NCKAP5: variants seen among roughly 807,000 people sequenced by gnomAD.
NCKAP5 encodes the protein NCK associated protein 5.
Under a neutral mutation model 167.0 loss-of-function variants are expected in NCKAP5, and 92 were observed. The observed-to-expected ratio is 0.55, with a 90% CI of 0.47 to 0.66. The LOEUF (loss-of-function observed/expected upper bound fraction) is 0.66, where lower values mean the gene tolerates loss of function less well. Ranked by LOEUF, NCKAP5 falls within the 30% of genes least tolerant of loss-of-function variation. NCKAP5 has a pLI of 0.00. For synonymous variants in NCKAP5, 891 were observed against 877.4 expected (o/e 1.02, Z -0.27); for missense variants, 2,378 against 2,315.0 (o/e 1.03, Z -0.56).
intron 6 of NCKAP5, among the ~76,000 whole-genome samples, chr2:133,011,583 A>G (rs1559048396): frequency 6.6e-6 from 1 of 152,252 alleles, no homozygotes. Context: ...TGATTAGTGA[A>G]GTTGAGTAAA....
intron 3 of NCKAP5, among the ~76,000 whole-genome samples, chr2:133,316,166 T>C (rs1408165317): frequency 2.6e-5 from 4 of 152,162 alleles, no homozygotes; most frequent in African/African-American, 7.2e-5. Flanking sequence ...TCCGATGACT[T>C]AACACAACAA....
chr2:132,827,260 A>G (rs1687193946), intron 11 of NCKAP5, among the ~76,000 whole-genome samples: 1 of 152,192 alleles, frequency 6.6e-6, no homozygotes, highest in Non-Finnish European at 1.5e-5. Flanking sequence ...GACAAAATAT[A>G]TGTACAACAC....
chr2:133,385,723 G>C (rs1237736002), intron 3 of NCKAP5, among the ~76,000 whole-genome samples: 1 of 151,864 alleles, frequency 6.6e-6, no homozygotes, highest in Non-Finnish European at 1.5e-5. Flanking sequence ...CTCAATTTCA[G>C]AGCCTGTTAT....
At chr2:133,102,897 G>A (rs1423014457) in intron 6 of NCKAP5, among the ~76,000 whole-genome samples, 2 of 150,816 alleles carry the variant, frequency 1.3e-5, no homozygotes, top group African/African-American at 5.0e-5. Context: ...TTCAAGTCCC[G>A]TGAATGCAAG....
chr2:133,540,897 G>A (rs1300335110), intron 2 of NCKAP5, among the ~76,000 whole-genome samples: 1 of 135,174 alleles, frequency 7.4e-6, no homozygotes, highest in Non-Finnish European at 1.5e-5. Context: ...ATTGGCTACT[G>A]CACTCCAGCC....
the NCKAP5 span, among the ~76,000 whole-genome samples, chr2:133,625,855 G>C: frequency 6.9e-6 from 1 of 144,584 alleles, no homozygotes; most frequent in Admixed American, 7.0e-5. Flanking sequence ...CTGGGTGATG[G>C]AGCGAGACTT....
At chr2:133,663,268 G>A in the NCKAP5 span, among the ~76,000 whole-genome samples, 2 of 111,756 alleles carry the variant, frequency 1.8e-5, no homozygotes, top group African/African-American at 8.3e-5. Context: ...GCGAGACTCC[G>A]TCTCAAAAAA....
the NCKAP5 span, among the ~76,000 whole-genome samples, chr2:133,581,154 C>T: frequency 3.3e-3 from 498 of 152,186 alleles, 1 homozygote; most frequent in East Asian, 0.019. Context: ...TATAGAATGA[C>T]GACATCTGTT....
At chr2:132,733,645 A>G (rs568101585) in intron 16 of NCKAP5, among the ~76,000 whole-genome samples, 1 of 152,236 alleles carries the variant, frequency 6.6e-6, no homozygotes, top group Non-Finnish European at 1.5e-5. Context: ...TAGATATCTG[A>G]TAGGTGAACA....
intron 11 of NCKAP5, among the ~76,000 whole-genome samples, chr2:132,847,485 G>A (rs945864422): frequency 1.3e-5 from 2 of 152,102 alleles, no homozygotes; most frequent in African/African-American, 2.4e-5. Context: ...CCCTTGTTCT[G>A]CCTTTTCTAT....
chr2:133,441,160 T>G (rs1690832791), intron 3 of NCKAP5, among the ~76,000 whole-genome samples: 1 of 151,880 alleles, frequency 6.6e-6, no homozygotes. Flanking sequence ...ATTTTTTCCT[T>G]CCTCTGTCAC....
intron 4 of NCKAP5, among the ~76,000 whole-genome samples, chr2:133,224,198 A>G (rs2086782732): frequency 6.6e-6 from 1 of 151,992 alleles, no homozygotes; most frequent in Non-Finnish European, 1.5e-5. Context: ...CCATACAGTC[A>G]CTCATGCAGT....
At chr2:133,604,108 G>A in the NCKAP5 span, among the ~76,000 whole-genome samples, 4 of 152,288 alleles carry the variant, frequency 2.6e-5, no homozygotes, top group South Asian at 2.1e-4. Context: ...AGGTAAGGCC[G>A]GTAAGAAATG....
intron 19 of NCKAP5, among the ~76,000 whole-genome samples, chr2:132,684,751 A>G (rs1269467324): frequency 6.6e-6 from 1 of 152,202 alleles, no homozygotes; most frequent in Non-Finnish European, 1.5e-5. Flanking sequence ...ACATGGCAAG[A>G]AGTACTGTAG....
At chr2:132,969,997 C>T (rs1307770781) in intron 7 of NCKAP5, among the ~76,000 whole-genome samples, 2 of 152,078 alleles carry the variant, frequency 1.3e-5, no homozygotes, top group South Asian at 2.1e-4. Context: ...ATGGAAGGGA[C>T]GTATTTAGAG....
intron 19 of NCKAP5, among the ~76,000 whole-genome samples, chr2:132,685,258 G>A (rs1363054531): frequency 1.3e-5 from 2 of 152,096 alleles, no homozygotes; most frequent in Admixed American, 6.5e-5. Context: ...TAATGAGAAG[G>A]TCTCTCTCTC....
intron 6 of NCKAP5, among the ~76,000 whole-genome samples, chr2:133,090,216 A>T (rs371184875): frequency 0.081 from 12,245 of 151,398 alleles, 704 homozygotes; most frequent in African/African-American, 0.16. Flanking sequence ...GAAAATTAAA[A>T]AAAAAAAAAA....
intron 11 of NCKAP5, among the ~76,000 whole-genome samples, chr2:132,832,089 G>A (rs1037020664): frequency 1.3e-5 from 2 of 152,052 alleles, no homozygotes; most frequent in Non-Finnish European, 2.9e-5. Context: ...AATTTGGTAG[G>A]CAAGTCCCCC....
chr2:132,968,411 G>C (rs948831382), intron 7 of NCKAP5, among the ~76,000 whole-genome samples: 1 of 152,174 alleles, frequency 6.6e-6, no homozygotes, highest in African/African-American at 2.4e-5. Flanking sequence ...TACCACAGAT[G>C]ATGGGTCAGA....
Sources: allele counts gnomAD v4.1 joint callset (sites outside exome capture counted in the v4.1 genomes callset), GRCh38; gene constraint gnomAD v4.1.1; transcripts MANE v1.5; gene names NCBI Gene and HGNC (gene_info 2026-07-23, HGNC 2026-07-21).